The following ATP8A2 variants were observed in gnomAD, a reference collection of about 807,000 sequenced individuals.
The protein encoded by ATP8A2 is phospholipid-transporting ATPase IB.
A neutral mutation model predicts 165.6 loss-of-function variants in ATP8A2; 100 were observed. The ratio of observed to expected loss-of-function variants is 0.60; its 90% CI spans 0.51 to 0.71. The LOEUF (loss-of-function observed/expected upper bound fraction) is 0.71. Ranked by LOEUF, ATP8A2 falls within the 30% of genes least tolerant of loss-of-function variation. The pLI is 0.00. For synonymous variants in ATP8A2, 543 were observed against 548.8 expected, an observed-to-expected ratio of 0.99 and a Z score of 0.15; for missense variants, 1,227 against 1,479.5, an observed-to-expected ratio of 0.83 and a Z score of 2.80.
intron 24 of ATP8A2, among the ~76,000 whole-genome samples, chr13:25,609,964 TG>T (rs1279858926): frequency 1.4e-4 from 21 of 152,100 alleles, no homozygotes; most frequent in African/African-American, 4.6e-4. Flanking sequence ...TTGATAGGAT[TG>T]TTTTTTTATT....
chr13:25,559,109 A>G (rs2039067891), intron 14 of ATP8A2, 48 bp downstream of exon 14: 1 of 1,312,054 alleles, frequency 7.6e-7, no homozygotes, highest in Admixed American at 2.0e-5. Flanking sequence ...TTCTTTCAAG[A>G]AAATAAGTTT....
chr13:25,422,819 CAA>C (rs1311584456), intron 1 of ATP8A2, among the ~76,000 whole-genome samples: 1 of 152,200 alleles, frequency 6.6e-6, no homozygotes, highest in Non-Finnish European at 1.5e-5. Context: ...AGATCAGTAA[CAA>C]GAGTGCTACC....
At chr13:25,698,788 A>G (rs369785675) in intron 24 of ATP8A2, among the ~76,000 whole-genome samples, 3 of 152,252 alleles carry the variant, frequency 2.0e-5, no homozygotes, top group African/African-American at 7.2e-5. Context: ...TATCTTTTGG[A>G]TGCTTTAAAG....
chr13:25,391,663 C>CA (rs745699204), intron 1 of ATP8A2, among the ~76,000 whole-genome samples: 5 of 152,130 alleles, frequency 3.3e-5, no homozygotes. Flanking sequence ...TCAACAAGTA[C>CA]AAAAAATAGC....
intron 1 of ATP8A2, among the ~76,000 whole-genome samples, chr13:25,411,196 A>G (rs924579000): frequency 6.6e-6 from 1 of 152,204 alleles, no homozygotes; most frequent in South Asian, 2.1e-4. Context: ...CATACTATTC[A>G]TAAGTTTTAA....
At chr13:25,702,003 T>TA (rs577177790) in intron 25 of ATP8A2, among the ~76,000 whole-genome samples, 200 of 152,236 alleles carry the variant, frequency 1.3e-3, no homozygotes, top group Admixed American at 2.9e-3. Context: ...CTTAAGATTT[T>TA]AAAAAAATCA....
At chr13:25,460,751 G>A (rs985283700) in intron 1 of ATP8A2, among the ~76,000 whole-genome samples, 6 of 152,160 alleles carry the variant, frequency 3.9e-5, no homozygotes, top group Non-Finnish European at 8.8e-5. Context: ...TCACCAGCAC[G>A]TGTCCCTGCT....
chr13:25,861,259 G>A (rs990749005), intron 32 of ATP8A2, among the ~76,000 whole-genome samples: 19 of 152,134 alleles, frequency 1.2e-4, no homozygotes, highest in African/African-American at 4.6e-4. Flanking sequence ...GTCTGCATGT[G>A]TGTGTATTTT....
chr13:25,479,296 T>A (rs935995906), intron 2 of ATP8A2, among the ~76,000 whole-genome samples: 5 of 152,218 alleles, frequency 3.3e-5, no homozygotes, highest in Admixed American at 2.0e-4. Flanking sequence ...TTGTTCACAG[T>A]CTTCTCTATT....
At chr13:25,624,930 C>T (rs569649900) in intron 24 of ATP8A2, among the ~76,000 whole-genome samples, 1 of 152,268 alleles carries the variant, frequency 6.6e-6, no homozygotes, top group South Asian at 2.1e-4. Flanking sequence ...CAGCTGAAAT[C>T]TAAAAGTTTT....
chr13:25,857,290 C>T (rs879708105), intron 30 of ATP8A2, among the ~76,000 whole-genome samples: 1 of 152,202 alleles, frequency 6.6e-6, no homozygotes, highest in Non-Finnish European at 1.5e-5. Context: ...CAGATCTGCT[C>T]AAATGTCACC....
chr13:25,388,673 C>T lies in ATP8A2; in HGVS notation c.76+16385C>T, dbSNP rs563476767. Among the ~76,000 whole-genome samples the T allele has an allele frequency of 3.9e-5, 6 of 152,248 alleles. No individual in the cohort carries two copies. In the East Asian group the frequency reaches 9.7e-4, roughly 25 times the overall value. On this transcript the variant is annotated intron_variant, in intron 1 of 36. Transcript: ENST00000381655. Reference sequence around the variant, plus strand: ...TAACTACCAGGCCCAGGTGTGGCACCGGGCTGTCTGCTTGTGGATTTCATT... The same window carrying T: ...TAACTACCAGGCCCAGGTGTGGCACTGGGCTGTCTGCTTGTGGATTTCATT...
chr13:25,927,792 T>C (rs1344673976), intron 33 of ATP8A2, among the ~76,000 whole-genome samples: 1 of 152,268 alleles, frequency 6.6e-6, no homozygotes, highest in Non-Finnish European at 1.5e-5. Context: ...CTCAGGCTGC[T>C]GTCCTGCCTA....
intron 33 of ATP8A2, among the ~76,000 whole-genome samples, chr13:25,911,723 C>T (rs528907860): frequency 6.6e-6 from 1 of 152,288 alleles, no homozygotes; most frequent in South Asian, 2.1e-4. Flanking sequence ...CACATACCTT[C>T]GCTGCTCGTT....
chr13:25,379,657 T>C lies in ATP8A2; in HGVS notation c.76+7369T>C, dbSNP rs144751571. ...TGGTTTTAAAACTGCAGAATTTTTGTTTTTAACCCTCAGTAGTTACTGTAT... is the reference window on the plus strand; with the variant it reads ...TGGTTTTAAAACTGCAGAATTTTTGCTTTTAACCCTCAGTAGTTACTGTAT... On this transcript the variant is annotated intron_variant, in intron 1 of 36. Transcript: ENST00000381655. Among the ~76,000 whole-genome samples, 389 of 152,348 alleles carry C rather than the reference T, an allele frequency of 2.6e-3. 1 individual carries two copies. The highest frequency in any genetic ancestry group is 0.011 in the East Asian group (59 of 5,190).
At chr13:25,416,774 T>G (rs534529544) in intron 1 of ATP8A2, among the ~76,000 whole-genome samples, 40 of 152,336 alleles carry the variant, frequency 2.6e-4, no homozygotes, top group Non-Finnish European at 5.0e-4. Flanking sequence ...AAGGGTTAAC[T>G]TTATTAATAT....
At chr13:25,888,432 A>G (rs886867602) in intron 33 of ATP8A2, among the ~76,000 whole-genome samples, 2 of 152,244 alleles carry the variant, frequency 1.3e-5, no homozygotes, top group Admixed American at 6.5e-5. Flanking sequence ...CAAGTTCAGA[A>G]AAAGCTAAAA....
chr13:25,752,409 G>A (rs1342107265), intron 25 of ATP8A2, among the ~76,000 whole-genome samples: 1 of 151,876 alleles, frequency 6.6e-6, no homozygotes, highest in Admixed American at 6.6e-5. Flanking sequence ...AGTGAGCCGA[G>A]ATCATACTCT....
At chr13:25,884,145 G>T (rs528166602) in intron 33 of ATP8A2, among the ~76,000 whole-genome samples, 1 of 152,266 alleles carries the variant, frequency 6.6e-6, no homozygotes, top group East Asian at 1.9e-4. Flanking sequence ...GGACAGTGGG[G>T]CCTTTCACTC....
Sources: allele counts gnomAD v4.1 joint callset (sites outside exome capture counted in the v4.1 genomes callset), GRCh38; gene constraint gnomAD v4.1.1; transcripts MANE v1.5; gene names NCBI Gene and HGNC (gene_info 2026-07-23, HGNC 2026-07-21).